Variants in TRIO observed in about 807,000 individuals in gnomAD.
TRIO encodes triple functional domain protein.
Under a neutral mutation model 351.9 loss-of-function variants are expected in TRIO, and 58 were observed. The ratio of observed to expected loss-of-function variants is 0.16; its 90% CI spans 0.13 to 0.21. The LOEUF (loss-of-function observed/expected upper bound fraction) is 0.21. TRIO is among the 10% of genes least tolerant of loss of function. TRIO has a pLI of 1.00. For synonymous variants in TRIO, 1,758 were observed against 1,595.7 expected (o/e 1.10, Z -2.42); for missense variants, 3,201 against 4,027.8 (o/e 0.79, Z 5.56).
At chr5:14,238,918 A>G (rs1452732105) in intron 1 of TRIO, among the ~76,000 whole-genome samples, 1 of 152,206 alleles carries the variant, frequency 6.6e-6, no homozygotes, top group African/African-American at 2.4e-5. Context: ...TTTCTCATGG[A>G]AAATAAGTAT....
chr5:14,502,484 G>A (rs1040645050), intron 53 of TRIO, 95 bp from the exon 54 acceptor site: 29 of 1,264,266 alleles, frequency 2.3e-5, no homozygotes, highest in Admixed American at 3.6e-5. Context: ...CGGTGGCCAC[G>A]CGCAGCTGCT....
chr5:14,507,552 C>T (rs1302519053), intron 56 of TRIO, among the ~76,000 whole-genome samples: 1 of 151,958 alleles, frequency 6.6e-6, no homozygotes, highest in Non-Finnish European at 1.5e-5. Flanking sequence ...GCAGTGGTAG[C>T]TTAGGCGGGA....
At chr5:14,280,258 G>T in intron 2 of TRIO, 64 bp from the exon 3 acceptor site, 2 of 1,479,188 alleles carry the variant, frequency 1.4e-6, no homozygotes, top group Non-Finnish European at 1.9e-6. Context: ...AGAGTGAATG[G>T]ATGATAACAT....
At chr5:14,341,809 A>G (rs528761758) in intron 11 of TRIO, among the ~76,000 whole-genome samples, 2 of 152,336 alleles carry the variant, frequency 1.3e-5, no homozygotes, top group African/African-American at 4.8e-5. Context: ...TCAGAAGCCA[A>G]GGTTTCCCAG....
At chr5:14,417,770 G>T (rs1336870827) in intron 33 of TRIO, among the ~76,000 whole-genome samples, 1 of 152,240 alleles carries the variant, frequency 6.6e-6, no homozygotes, top group Non-Finnish European at 1.5e-5. Flanking sequence ...GAAAATCCAG[G>T]CTTCGTTTTG....
chr5:14,364,939 T>C, intron 15 of TRIO, 123 bp downstream of exon 15: 1 of 1,273,178 alleles, frequency 7.9e-7, no homozygotes, highest in Non-Finnish European at 1.1e-6. Flanking sequence ...ACAGCTTTCC[T>C]GATATGTAAG....
At chr5:14,358,847 T>A (rs952774660) in intron 12 of TRIO, among the ~76,000 whole-genome samples, 1 of 152,194 alleles carries the variant, frequency 6.6e-6, no homozygotes, top group Admixed American at 6.5e-5. Context: ...ATTTTTTTTA[T>A]TGGGTCAGGG....
At chr5:14,436,389 C>T (rs934850679) in intron 34 of TRIO, among the ~76,000 whole-genome samples, 2 of 152,190 alleles carry the variant, frequency 1.3e-5, no homozygotes, top group Non-Finnish European at 2.9e-5. Context: ...CCTCCCACAA[C>T]ACGTGGGAAT....
In TRIO at chr5:14,271,023, G is replaced by A. The variant is rs183623782; in HGVS notation, c.232+124G>A. On this transcript the variant is annotated intron_variant, in intron 2 of 56. Coordinates refer to ENST00000344204, the MANE Select transcript of TRIO (RefSeq NM_007118.4). ...ATTGGCATTTCTATGAATTTTGAATGGCTTTATTCTTGTAGCACTGTTTCT... is the reference window on the plus strand; with the variant it reads ...ATTGGCATTTCTATGAATTTTGAATAGCTTTATTCTTGTAGCACTGTTTCT... The A allele has an allele frequency of 1.3e-4, 92 of 715,066 alleles. 1 individual carries two copies. The East Asian group carries it at 2.2e-3, about 17-fold the overall frequency. 44.3% of individuals were successfully genotyped at this position (715,066 alleles called of 1,614,324 possible). A position where few individuals can be genotyped will look rare whatever the true frequency, so the allele number is the denominator to read the frequency against.
intron 11 of TRIO, among the ~76,000 whole-genome samples, chr5:14,339,411 T>C (rs957452337): frequency 3.9e-5 from 6 of 152,258 alleles, no homozygotes; most frequent in Non-Finnish European, 5.9e-5. Context: ...TTTGTTTTCA[T>C]TGACTTACAC....
intron 2 of TRIO, among the ~76,000 whole-genome samples, chr5:14,277,152 A>G (rs948684894): frequency 6.6e-6 from 1 of 152,214 alleles, no homozygotes; most frequent in African/African-American, 2.4e-5. Context: ...TGAAACAAAG[A>G]TGTTTGCCCT....
intron 1 of TRIO, among the ~76,000 whole-genome samples, chr5:14,185,800 TG>T (rs1790073053): frequency 1.3e-5 from 2 of 152,330 alleles, no homozygotes; most frequent in African/African-American, 4.8e-5. Context: ...GGTGACTCAC[TG>T]GAGCTTCTCA....
rs61740945 is a variant in TRIO, at chr5:14,508,375, C to A, written c.9247C>A (p.Arg3083Ser). 1 of 1,613,600 alleles carries A rather than the reference C, an allele frequency of 6.2e-7. No individual in the cohort carries two copies. The highest frequency in any genetic ancestry group is 1.7e-5 in the Admixed American group (1 of 60,026). Reference protein sequence around the residue: ...RKHQNDVRPIRSIKNFLQSRL... With the variant: ...RKHQNDVRPISSIKNFLQSRL... ...ACACCAGAATGATGTTCGACCTATC[C>A]GTAGCATTAAAAACTTTCTGCAGAG... Residue 3083 changes from arginine (R) to serine (S), a missense_variant, in exon 57 of 57, where the codon CGT (arginine) becomes AGT (serine). Coordinates refer to ENST00000344204, the MANE Select transcript of TRIO (RefSeq NM_007118.4).
At chr5:14,390,503 T>G (rs1746972891) in intron 26 of TRIO, 1 of 598,120 alleles carries the variant, frequency 1.7e-6, no homozygotes, top group African/African-American at 1.9e-5. Flanking sequence ...TGGTGATGGT[T>G]TGAAATAGAA....
In TRIO at chr5:14,508,292, G is replaced by T; in HGVS notation, c.9164G>T (p.Gly3055Val). Residue 3055 changes from glycine (G) to valine (V), a missense_variant, in exon 57 of 57, where the codon GGC becomes GTC. By Grantham distance (109) the Gly-to-Val change is moderately radical. Around this residue, in one of 19 missense-constraint regions of TRIO, gnomAD observed 233 missense variants for 292.6 expected, o/e 0.80. Coordinates refer to ENST00000344204, the MANE Select transcript of TRIO (RefSeq NM_007118.4). ...LQEQWLQAGN[G>V]RSTGVLDTSR... Reference sequence around the variant, plus strand: ...GAGCAGTGGCTGCAGGCCGGCAACGGCAGAAGCACGGGCGTCCTCGACACG... The same window carrying T: ...GAGCAGTGGCTGCAGGCCGGCAACGTCAGAAGCACGGGCGTCCTCGACACG... The T allele has an allele frequency of 1.2e-6, 2 of 1,613,896 alleles. No individual in the cohort carries two copies. The highest frequency in any genetic ancestry group is 1.7e-6 in the Non-Finnish European group (2 of 1,180,046).
Position 14,336,533 on chromosome 5 carries a change from C to T in TRIO, c.1855-3C>T, listed in dbSNP as rs1741436085. 1.2e-6 allele frequency: 2 copies of T among 1,613,764 alleles called. No individual in the cohort carries two copies. The highest frequency in any genetic ancestry group is 2.7e-5 in the African/African-American group (2 of 74,934). On this transcript the variant is annotated splice_region_variant and splice_polypyrimidine_tract_variant and intron_variant, in intron 10 of 56. Transcript: ENST00000344204. ...TGTTTCTCTGGGATGTTCTCTTGTG[C>T]AGAACACATACACCAATGCGGATAA...
At chr5:14,165,299 T>C (rs1788701130) in intron 1 of TRIO, among the ~76,000 whole-genome samples, 1 of 152,202 alleles carries the variant, frequency 6.6e-6, no homozygotes, top group African/African-American at 2.4e-5. Flanking sequence ...CAGTGTCTAG[T>C]GTTCCTGTAT....
intron 34 of TRIO, among the ~76,000 whole-genome samples, chr5:14,448,037 CATT>C (rs1752564333): frequency 6.6e-6 from 1 of 152,196 alleles, no homozygotes. Flanking sequence ...ATCAAGAACC[CATT>C]ATTTTATAAC....
chr5:14,194,705 A>T (rs1158736914), intron 1 of TRIO, among the ~76,000 whole-genome samples: 1 of 152,258 alleles, frequency 6.6e-6, no homozygotes, highest in African/African-American at 2.4e-5. Context: ...AATAGTGTAT[A>T]GCCTTTGTAG....
Sources: gnomAD v4.1 joint callset for allele counts (sites outside exome capture counted in the v4.1 genomes callset) on GRCh38, gnomAD v4.1.1 for gene constraint, gnomAD v4.1.1 regional missense constraint, MANE v1.5 for transcripts, NCBI Gene and HGNC (gene_info 2026-07-23, HGNC 2026-07-21) for gene names.